Variants in CSMD3 observed in about 807,000 individuals in gnomAD.
The protein encoded by CSMD3 is CUB and Sushi multiple domains 3, also known as CUB and sushi domain-containing protein 3.
CSMD3 carries 177 observed loss-of-function variants against 435.2 expected under a neutral mutation model. The ratio of observed to expected loss-of-function variants is 0.41; its 90% CI spans 0.36 to 0.46. The LOEUF is 0.46. Ranked by LOEUF, CSMD3 falls within the 20% of genes least tolerant of loss-of-function variation. CSMD3 has a pLI of 0.34. For missense variants in CSMD3, 4,265 were observed against 4,504.6 expected (o/e 0.95, Z 1.52); for synonymous variants, 1,656 against 1,520.5 (o/e 1.09, Z -2.07).
chr8:113,278,516 A>T (rs1427022171), intron 3 of CSMD3, 76 bp downstream of exon 3: 1 of 750,724 alleles, frequency 1.3e-6, no homozygotes, highest in East Asian at 2.6e-5. Context: ...TCAAATGTTG[A>T]TTCTTCTTTC....
intron 33 of CSMD3, 59 bp downstream of exon 33, chr8:112,408,859 TA>T: frequency 1.2e-6 from 2 of 1,612,382 alleles, no homozygotes; most frequent in South Asian, 2.2e-5. Context: ...TTCACTACAA[TA>T]CTAATCAAAG....
chr8:112,914,806 G>T (rs553230654), intron 10 of CSMD3, among the ~76,000 whole-genome samples: 13 of 151,812 alleles, frequency 8.6e-5, no homozygotes, highest in Non-Finnish European at 1.0e-4. Context: ...CATTCTAAAG[G>T]TTACAGTGTG....
intron 1 of CSMD3, among the ~76,000 whole-genome samples, chr8:113,382,777 C>T (rs1195934700): frequency 1.3e-5 from 2 of 151,828 alleles, no homozygotes; most frequent in East Asian, 1.9e-4. Flanking sequence ...GTCAGGAGTT[C>T]CACACCAGGC....
At chr8:112,967,570 T>C (rs2130893380) in intron 7 of CSMD3, among the ~76,000 whole-genome samples, 1 of 152,030 alleles carries the variant, frequency 6.6e-6, no homozygotes, top group Non-Finnish European at 1.5e-5. Flanking sequence ...TGCTTTCTGT[T>C]GTTTAGGTCT....
chr8:113,020,281 T>C (rs1462881316), intron 5 of CSMD3, among the ~76,000 whole-genome samples: 2 of 151,956 alleles, frequency 1.3e-5, no homozygotes, highest in East Asian at 1.9e-4. Flanking sequence ...TAGTTGGATA[T>C]GTAGTCTTCA....
chr8:113,239,890 A>C (rs1205367534), intron 3 of CSMD3, among the ~76,000 whole-genome samples: 1 of 152,122 alleles, frequency 6.6e-6, no homozygotes. Flanking sequence ...ATTCAGGGTT[A>C]AATTTGTTAC....
intron 4 of CSMD3, among the ~76,000 whole-genome samples, chr8:113,133,179 A>G (rs1450597577): frequency 2.0e-5 from 3 of 152,280 alleles, no homozygotes; most frequent in Middle Eastern, 3.4e-3. Flanking sequence ...CAAGAAATTG[A>G]TAACAAGAGT....
At chr8:112,269,735 C>T (rs950104551) in intron 59 of CSMD3, among the ~76,000 whole-genome samples, 2 of 152,158 alleles carry the variant, frequency 1.3e-5, no homozygotes, top group Non-Finnish European at 2.9e-5. Context: ...TATCTTCTCT[C>T]TCTGTCTGAA....
chr8:112,778,463 T>C (rs2078299394), intron 13 of CSMD3, among the ~76,000 whole-genome samples: 1 of 151,988 alleles, frequency 6.6e-6, no homozygotes, highest in Admixed American at 6.6e-5. Flanking sequence ...TCATATAGTA[T>C]GTAGACTTCT....
intron 1 of CSMD3, among the ~76,000 whole-genome samples, chr8:113,358,962 G>T (rs1432990987): frequency 2.0e-5 from 3 of 151,858 alleles, no homozygotes; most frequent in Non-Finnish European, 4.4e-5. Flanking sequence ...AAGCTGCTCG[G>T]TTAAAAAATA....
chr8:112,244,507 T>A lies in CSMD3; in HGVS notation c.10289A>T (p.His3430Leu), dbSNP rs112680216. 1 of 1,613,736 alleles carries A rather than the reference T, an allele frequency of 6.2e-7. No individual in the cohort carries two copies. Among genetic ancestry groups the A allele is most frequent in the South Asian group, 1.1e-5 (1 of 91,068 alleles). The change falls in exon 65 of 71, where the codon CAT becomes CTT. Residue 3430 changes from histidine to leucine, a missense_variant. Physicochemically the swap from His to Leu is moderately conservative, Grantham distance 99. This residue lies in a region of CSMD3 where 3,255 missense variants were observed against 3,380.2 expected (regional missense o/e 0.96). Coordinates refer to ENST00000297405, the MANE Select transcript of CSMD3 (RefSeq NM_198123.2). ...ANVVGMDLPS[H>L]GYTLIYTCQP... ...ACAGGTATAAATCAGTGTATACCCATGAGATGGAAGGTCCATCCCTACGAC... is the reference window on the plus strand; with the variant it reads ...ACAGGTATAAATCAGTGTATACCCAAGAGATGGAAGGTCCATCCCTACGAC...
chr8:112,818,259 T>A (rs182446863), intron 12 of CSMD3, among the ~76,000 whole-genome samples: 1 of 152,192 alleles, frequency 6.6e-6, no homozygotes, highest in Admixed American at 6.5e-5. Context: ...TGTATCAAAG[T>A]GATATATTAT....
At chr8:112,846,780 T>A (rs2080334892) in intron 11 of CSMD3, among the ~76,000 whole-genome samples, 1 of 151,980 alleles carries the variant, frequency 6.6e-6, no homozygotes, top group Non-Finnish European at 1.5e-5. Context: ...ACAGAGTAAT[T>A]CACTTTAAAT....
intron 16 of CSMD3, among the ~76,000 whole-genome samples, chr8:112,675,204 C>T (rs1459134661): frequency 6.6e-6 from 1 of 152,040 alleles, no homozygotes; most frequent in African/African-American, 2.4e-5. Context: ...TATGGTTTTC[C>T]TTGTCAGGAG....
chr8:112,323,057 C>T (rs1470623129), intron 45 of CSMD3, among the ~76,000 whole-genome samples: 3 of 151,942 alleles, frequency 2.0e-5, no homozygotes, highest in Non-Finnish European at 4.4e-5. Flanking sequence ...CAATGCTAAA[C>T]ATTGAAATAT....
intron 31 of CSMD3, among the ~76,000 whole-genome samples, chr8:112,485,108 A>G (rs1819996988): frequency 6.6e-6 from 1 of 152,162 alleles, no homozygotes; most frequent in African/African-American, 2.4e-5. Context: ...TGTATGTAAG[A>G]CTGTCAGAAA....
chr8:112,310,869 T>C (rs1235216357), intron 50 of CSMD3, 109 bp downstream of exon 50: 1 of 879,442 alleles, frequency 1.1e-6, no homozygotes. Context: ...GTTCACAATA[T>C]GCTTCCGAAT....
chr8:113,407,397 A>G (rs1324988170), intron 1 of CSMD3, among the ~76,000 whole-genome samples: 1 of 152,162 alleles, frequency 6.6e-6, no homozygotes, highest in African/African-American at 2.4e-5. Context: ...TTTCAGTTAT[A>G]ACCTGATTAA....
intron 20 of CSMD3, among the ~76,000 whole-genome samples, chr8:112,640,016 T>C (rs1031172081): frequency 1.3e-5 from 2 of 152,180 alleles, no homozygotes; most frequent in Non-Finnish European, 2.9e-5. Flanking sequence ...AAAGTGGCCA[T>C]GCTGATTTAC....
Sources: allele counts gnomAD v4.1 joint callset (sites outside exome capture counted in the v4.1 genomes callset), GRCh38; gene constraint gnomAD v4.1.1; regional missense constraint gnomAD v4.1.1; transcripts MANE v1.5; gene names NCBI Gene and HGNC (gene_info 2026-07-23, HGNC 2026-07-21).